Variants in MAP3K3 observed in about 807,000 individuals in gnomAD.
MAP3K3 encodes MAP/ERK kinase kinase 3.
A neutral mutation model predicts 80.9 loss-of-function variants in MAP3K3; 12 were observed. The observed-to-expected ratio is 0.15, with a 90% CI of 0.10 to 0.24. MAP3K3 has a LOEUF of 0.24. Among genes scored for constraint, MAP3K3 ranks in the 10% least tolerant of loss-of-function variants. The probability of loss-of-function intolerance (pLI) is 1.00; values close to 1 mark genes in which losing one functional copy is unlikely to be tolerated. For missense variants in MAP3K3, 596 were observed against 834.7 expected (o/e 0.71, Z 3.52); for synonymous variants, 272 against 307.1 (o/e 0.89, Z 1.19).
At chr17:63,679,372 G>A (rs946718885) in intron 6 of MAP3K3, among the ~76,000 whole-genome samples, 7 of 152,222 alleles carry the variant, frequency 4.6e-5, no homozygotes, top group African/African-American at 1.7e-4. Flanking sequence ...TTTCCGGGAT[G>A]TTCTAAGACC....
intron 1 of MAP3K3, 34 bp downstream of exon 1, chr17:63,622,797 G>T: frequency 2.1e-6 from 1 of 481,274 alleles, no homozygotes; most frequent in Non-Finnish European, 4.1e-6. Context: ...CTGTGCCCGC[G>T]CTGCTTCGCG....
intron 5 of MAP3K3, 115 bp downstream of exon 5, chr17:63,658,022 C>G: frequency 1.8e-6 from 1 of 549,122 alleles, no homozygotes; most frequent in Non-Finnish European, 3.3e-6. Flanking sequence ...AAATTGAGAG[C>G]ATAAGCACAG....
At chr17:63,657,702 T>G (rs1568135609) in intron 4 of MAP3K3, 92 bp from the exon 5 acceptor site, 3 of 574,060 alleles carry the variant, frequency 5.2e-6, no homozygotes, top group Non-Finnish European at 3.1e-6. Context: ...CAAATGTATT[T>G]TTATTTTTTG....
intron 8 of MAP3K3, among the ~76,000 whole-genome samples, chr17:63,686,847 ATCT>A (rs1386972721): frequency 1.3e-5 from 2 of 152,134 alleles, no homozygotes; most frequent in African/African-American, 2.4e-5. Flanking sequence ...CAGGGCTTTC[ATCT>A]TCCCTTCACG....
intron 11 of MAP3K3, chr17:63,690,047 A>G: frequency 1.7e-6 from 1 of 604,928 alleles, no homozygotes; most frequent in Non-Finnish European, 2.9e-6. Flanking sequence ...GCATTTAACC[A>G]TGACTTCAGC....
intron 4 of MAP3K3, among the ~76,000 whole-genome samples, chr17:63,657,516 G>C (rs1478493561): frequency 6.6e-6 from 1 of 152,050 alleles, no homozygotes. Flanking sequence ...ACTATAAATG[G>C]GCACAAGAGA....
intron 8 of MAP3K3, among the ~76,000 whole-genome samples, chr17:63,686,849 C>T (rs2035461186): frequency 6.6e-6 from 1 of 152,152 alleles, no homozygotes; most frequent in East Asian, 1.9e-4. Flanking sequence ...GGGCTTTCAT[C>T]TTCCCTTCAC....
chr17:63,693,133 C>T lies in MAP3K3; in HGVS notation c.1653-416C>T, dbSNP rs577947447. On this transcript the variant is annotated intron_variant, in intron 15 of 15. Transcript: ENST00000361733. The surrounding 1 kb of genome is among the most constrained non-coding windows in gnomAD (Gnocchi z 4.2). ...GAAAGGCAAGGAAACAGGTTCTCCCCTCAGAGCCTCTGACAGGAACCAGCC... is the reference window on the plus strand; with the variant it reads ...GAAAGGCAAGGAAACAGGTTCTCCCTTCAGAGCCTCTGACAGGAACCAGCC... Among the ~76,000 whole-genome samples, 1 of 152,266 alleles carries T rather than the reference C, an allele frequency of 6.6e-6. No homozygotes were observed. The highest frequency in any genetic ancestry group is 2.4e-5 in the African/African-American group (1 of 41,548).
rs568068248 is a variant in MAP3K3, at chr17:63,681,161, G to A, written c.503-605G>A. On this transcript the variant is annotated intron_variant, in intron 6 of 15. Transcript: ENST00000361733. Reference sequence around the variant, plus strand: ...TATCATTACTCATAAGCCAGGAAGTGTGGGAGTGGGTAGGAATGGAGAAGC... The same window carrying A: ...TATCATTACTCATAAGCCAGGAAGTATGGGAGTGGGTAGGAATGGAGAAGC... Among the ~76,000 whole-genome samples, 62 of 151,730 alleles carry A rather than the reference G, an allele frequency of 4.1e-4. No individual in the cohort carries two copies. In the South Asian group the frequency reaches 0.013, roughly 31 times the overall value.
chr17:63,645,214 A>C lies in MAP3K3; in HGVS notation c.127-820A>C, dbSNP rs558456393. On this transcript the variant is annotated intron_variant, in intron 2 of 15. Transcript: ENST00000361733. ...AGACCTCGGGAGGCCGAGGCAAGAGAATCGTTTGAACCCGGGAGACGGAGG... is the reference window on the plus strand; with the variant it reads ...AGACCTCGGGAGGCCGAGGCAAGAGCATCGTTTGAACCCGGGAGACGGAGG... Among the ~76,000 whole-genome samples the C allele has an allele frequency of 1.6e-4, 25 of 152,302 alleles. No individual in the cohort carries two copies. In the South Asian group the frequency reaches 5.0e-3, roughly 30 times the overall value.
At chr17:63,662,318 G>A (rs2034910175) in intron 5 of MAP3K3, among the ~76,000 whole-genome samples, 1 of 151,624 alleles carries the variant, frequency 6.6e-6, no homozygotes, top group East Asian at 1.9e-4. Context: ...GAGTGGCTGA[G>A]GTGGGAGAAT....
chr17:63,666,103 G>C (rs750104604), intron 5 of MAP3K3, among the ~76,000 whole-genome samples: 2 of 152,156 alleles, frequency 1.3e-5, no homozygotes, highest in Non-Finnish European at 2.9e-5. Flanking sequence ...GCCCCCCTTT[G>C]TTGCTTAGTT....
rs1376481601 is a variant in MAP3K3, at chr17:63,627,945, G to T, written c.5-4736G>T. ...TCTGAGACAGAGTCTCTACTCTGTC[G>T]CCCAGGCTGGAATGTGTTGGCATAG... is the stretch of plus-strand genomic sequence containing the variant. On this transcript the variant is annotated intron_variant, in intron 1 of 15. Coordinates refer to ENST00000361733, the MANE Select transcript of MAP3K3 (RefSeq NM_002401.5). 4.1e-5 allele frequency among the ~76,000 whole-genome samples: 6 copies of T among 146,208 alleles called. No individual in the cohort carries two copies. In the East Asian group the frequency reaches 1.2e-3, roughly 30 times the overall value.
rs1219703682 is a variant in MAP3K3, at chr17:63,691,157, G to A, written c.1268G>A (p.Arg423His). Residue 423 changes from arginine (R) to histidine (H), a missense_variant, in exon 13 of 16, where the codon CGC (arginine) becomes CAC (histidine). Arg to His is a conservative substitution (Grantham distance 29, BLOSUM62 0). Coordinates refer to ENST00000361733, the MANE Select transcript of MAP3K3 (RefSeq NM_002401.5). This position sits in a 1 kb window ranked among gnomAD's most constrained non-coding sequence, Gnocchi z 4.8. ...TTGCTAAAGAACTTGCAGCATGAGC[G>A]CATCGTGCAGTACTATGGCTGTCTG... ...IQLLKNLQHE[R>H]IVQYYGCLRD... 17 of 1,614,090 alleles carry A rather than the reference G, an allele frequency of 1.1e-5. No homozygotes were observed. The highest frequency in any genetic ancestry group is 2.2e-5 in the East Asian group (1 of 44,906).
In MAP3K3 at chr17:63,693,889, C is replaced by A; in HGVS notation, c.*112C>A. The A allele has an allele frequency of 1.1e-6, 1 of 919,136 alleles. No individual in the cohort carries two copies. Among genetic ancestry groups the A allele is most frequent in the Non-Finnish European group, 1.6e-6 (1 of 621,604 alleles). The allele number at this position is 919,136 out of a possible 1,614,324, so 56.9% of individuals were successfully genotyped here. ...GGCAAGGCTGTGGACCATGGAGTGG[C>A]AGCCCAGCCAGCGTCGGTCTGTGCC... On this transcript the variant is annotated 3_prime_UTR_variant, in exon 16 of 16. Coordinates refer to ENST00000361733, the MANE Select transcript of MAP3K3 (RefSeq NM_002401.5). This position sits in a 1 kb window ranked among gnomAD's most constrained non-coding sequence, Gnocchi z 4.2.
chr17:63,670,586 CAAAAAA>C (rs756058538), intron 6 of MAP3K3, among the ~76,000 whole-genome samples: 42 of 79,954 alleles, frequency 5.3e-4, no homozygotes, highest in Non-Finnish European at 4.9e-4. Flanking sequence ...GACTCTGTCT[CAAAAAA>C]AAAAAAAAAA....
At chr17:63,662,539 A>G (rs1219480410) in intron 5 of MAP3K3, among the ~76,000 whole-genome samples, 1 of 151,818 alleles carries the variant, frequency 6.6e-6, no homozygotes, top group Non-Finnish European at 1.5e-5. Flanking sequence ...GGGGAAACTG[A>G]GACTTAGGGT....
intron 6 of MAP3K3, among the ~76,000 whole-genome samples, chr17:63,670,601 A>G (rs1009218540): frequency 1.3e-5 from 2 of 149,696 alleles, no homozygotes; most frequent in Non-Finnish European, 3.0e-5. Flanking sequence ...AAAAAAAAAA[A>G]AAAAAAAGAA....
chr17:63,690,937 A>G (rs922791120), intron 12 of MAP3K3, 165 bp from the exon 13 acceptor site: 2 of 792,956 alleles, frequency 2.5e-6, no homozygotes, highest in Non-Finnish European at 3.9e-6. Context: ...AGGCCTGCCC[A>G]GCATTGTGGC....
Sources: allele counts gnomAD v4.1 joint callset (sites outside exome capture counted in the v4.1 genomes callset), GRCh38; gene constraint gnomAD v4.1.1; non-coding constraint Gnocchi (gnomAD v3.1); transcripts MANE v1.5; gene names NCBI Gene and HGNC (gene_info 2026-07-23, HGNC 2026-07-21).